DOK6: variants seen among roughly 807,000 people sequenced by gnomAD.
DOK6 encodes the protein docking protein 6.
DOK6 carries 22 observed loss-of-function variants against 44.0 expected under a neutral mutation model. The ratio of observed to expected loss-of-function variants is 0.50; its 90% CI spans 0.36 to 0.71. The LOEUF (loss-of-function observed/expected upper bound fraction) is 0.71. Ranked by LOEUF, DOK6 falls within the 30% of genes least tolerant of loss-of-function variation. The probability of loss-of-function intolerance (pLI) is 0.00; values close to 1 mark genes in which losing one functional copy is unlikely to be tolerated. For missense variants in DOK6, 340 were observed against 416.4 expected, an observed-to-expected ratio of 0.82 and a Z score of 1.60; for synonymous variants, 166 against 145.5, an observed-to-expected ratio of 1.14 and a Z score of -1.01.
intron 2 of DOK6, among the ~76,000 whole-genome samples, chr18:69,596,581 A>G (rs1395224977): frequency 2.1e-5 from 3 of 141,676 alleles, no homozygotes; most frequent in Non-Finnish European, 4.6e-5. Flanking sequence ...TGGAAAGTAT[A>G]TTCAAAGTGC....
At chr18:69,612,823 T>C (rs1401403030) in intron 3 of DOK6, among the ~76,000 whole-genome samples, 1 of 152,220 alleles carries the variant, frequency 6.6e-6, no homozygotes, top group African/African-American at 2.4e-5. Flanking sequence ...TTGTTTTATC[T>C]TAATGATATA....
chr18:69,422,794 C>T (rs1170828888), intron 1 of DOK6, among the ~76,000 whole-genome samples: 1 of 152,126 alleles, frequency 6.6e-6, no homozygotes, highest in East Asian at 1.9e-4. Flanking sequence ...ATAATTATTC[C>T]TCTTAAAATT....
chr18:69,719,439 TATCTGTTGGAGCA>T (rs1986956952), intron 5 of DOK6, among the ~76,000 whole-genome samples: 1 of 152,208 alleles, frequency 6.6e-6, no homozygotes, highest in Admixed American at 6.5e-5. Context: ...ATAGTGATAT[TATCTGTTGGAGCA>T]ACTGGGGAAG....
rs1315168821 is a variant in DOK6 at position 69,459,184 on chromosome 18, ATT to A, written c.66+57877_66+57878del. On this transcript the variant is annotated intron_variant, in intron 1 of 7. Transcript: ENST00000382713. ...GAGGTGAGAAATCTCAAAAAAAAAT[ATT>A]TTGTGTGTGTGTGTGTGTGTGTGTG... is the stretch of plus-strand genomic sequence containing the variant. Among the ~76,000 whole-genome samples the A allele has an allele frequency of 2.3e-3, 139 of 59,514 alleles. 1 individual carries two copies. The highest frequency in any genetic ancestry group is 0.021 in the Middle Eastern group (3 of 142). The allele number at this position is 59,514 out of a possible 152,430, so 39.0% of individuals were successfully genotyped here.
intron 5 of DOK6, among the ~76,000 whole-genome samples, chr18:69,705,564 G>T (rs919260480): frequency 6.6e-6 from 1 of 152,120 alleles, no homozygotes; most frequent in Non-Finnish European, 1.5e-5. Context: ...CCCTTGAGCT[G>T]CTTTTTACCT....
intron 3 of DOK6, among the ~76,000 whole-genome samples, chr18:69,600,675 A>C (rs1318146968): frequency 6.6e-6 from 1 of 151,324 alleles, no homozygotes; most frequent in African/African-American, 2.4e-5. Flanking sequence ...ACTAGTATTT[A>C]AAAAAAAACT....
At chr18:69,790,565 A>C (rs1980564474) in intron 7 of DOK6, among the ~76,000 whole-genome samples, 1 of 152,182 alleles carries the variant, frequency 6.6e-6, no homozygotes. Flanking sequence ...GGACAATATT[A>C]AGATCTTGGT....
chr18:69,412,969 T>C lies in DOK6; in HGVS notation c.66+11659T>C, dbSNP rs944990322. Among the ~76,000 whole-genome samples, 16 of 152,116 alleles carry C rather than the reference T, an allele frequency of 1.1e-4. 1 individual carries two copies. The highest frequency in any genetic ancestry group is 3.9e-4 in the African/African-American group (16 of 41,444). On this transcript the variant is annotated intron_variant, in intron 1 of 7. Coordinates refer to ENST00000382713, the MANE Select transcript of DOK6 (RefSeq NM_152721.6). ...AGACTAGTCATTTCTACTGGATCAA[T>C]GTAATGACACAGAAGTAGAAACAAT...
At chr18:69,535,367 T>G (rs1046457972) in intron 1 of DOK6, among the ~76,000 whole-genome samples, 1 of 152,100 alleles carries the variant, frequency 6.6e-6, no homozygotes, top group African/African-American at 2.4e-5. Context: ...AATTGCTTTC[T>G]GCATATTCAT....
At chr18:69,648,064 C>T (rs1271600366) in intron 3 of DOK6, among the ~76,000 whole-genome samples, 1 of 152,138 alleles carries the variant, frequency 6.6e-6, no homozygotes, top group African/African-American at 2.4e-5. Flanking sequence ...ATCATGAAGC[C>T]TGGCACATCC....
At chr18:69,781,223 A>G (rs1980256367) in intron 7 of DOK6, 1 of 152,148 alleles carries the variant, frequency 6.6e-6, no homozygotes, top group Admixed American at 6.5e-5. Flanking sequence ...TGCTATAAAA[A>G]TAAGAAGGTT....
chr18:69,823,289 T>C (rs1284724091), intron 7 of DOK6, among the ~76,000 whole-genome samples: 1 of 152,170 alleles, frequency 6.6e-6, no homozygotes, highest in East Asian at 1.9e-4. Flanking sequence ...AATAGAGGTA[T>C]GCAGAGGATG....
chr18:69,418,071 A>T (rs982075410), intron 1 of DOK6, among the ~76,000 whole-genome samples: 1 of 151,988 alleles, frequency 6.6e-6, no homozygotes, highest in African/African-American at 2.4e-5. Flanking sequence ...ATGTGATCCC[A>T]TTTGCCCATT....
chr18:69,580,879 G>A lies in DOK6; in HGVS notation c.174+16285G>A, dbSNP rs543893165. Among the ~76,000 whole-genome samples the A allele has an allele frequency of 7.9e-5, 12 of 151,532 alleles. 1 individual carries two copies. The highest frequency in any genetic ancestry group is 2.2e-4 in the African/African-American group (9 of 41,356). On this transcript the variant is annotated intron_variant, in intron 2 of 7. Transcript: ENST00000382713. The stretch of plus-strand genomic sequence containing the variant: ...TCTAATAACCACAATTCTACTCTTC[G>A]TTATGAGCTCAACTTTTTAGTTTCT...
At chr18:69,774,133 G>GAGATATATATATATAT (rs1555670147) in intron 7 of DOK6, among the ~76,000 whole-genome samples, 5 of 66,866 alleles carry the variant, frequency 7.5e-5, no homozygotes, top group South Asian at 7.1e-4. Context: ...ATATATATGA[G>GAGATATATATATATAT]ATATATATAT....
chr18:69,699,936 G>C (rs1321838314), intron 5 of DOK6, among the ~76,000 whole-genome samples: 1 of 152,048 alleles, frequency 6.6e-6, no homozygotes, highest in African/African-American at 2.4e-5. Flanking sequence ...GGCTAAGGAG[G>C]CCTCACAGTC....
intron 4 of DOK6, 59 bp from the exon 5 acceptor site, chr18:69,698,345 G>A (rs1986434171): frequency 1.4e-6 from 2 of 1,452,482 alleles, no homozygotes; most frequent in Non-Finnish European, 1.9e-6. Flanking sequence ...AATATCGTAT[G>A]GCCATAGACA....
Position 69,401,240 on chromosome 18 carries a change from T to C in DOK6, c.-5T>C. 6.4e-7 allele frequency: 1 copy of C among 1,564,380 alleles called. No individual in the cohort carries two copies. Among genetic ancestry groups the C allele is most frequent in the South Asian group, 1.2e-5 (1 of 85,886 alleles). ...GCGGGGCGCAGGAGCCCGATCGCGCTGGCCATGGCCTCCAACTTTAACGAC... is the reference window on the plus strand; with the variant it reads ...GCGGGGCGCAGGAGCCCGATCGCGCCGGCCATGGCCTCCAACTTTAACGAC... On this transcript the variant is annotated 5_prime_UTR_variant, in exon 1 of 8. Transcript: ENST00000382713.
chr18:69,746,691 G>T (rs543911052), intron 6 of DOK6, among the ~76,000 whole-genome samples: 1 of 152,066 alleles, frequency 6.6e-6, no homozygotes, highest in Non-Finnish European at 1.5e-5. Flanking sequence ...TGTCATTCTG[G>T]TACAGACCTA....
Sources: allele counts gnomAD v4.1 joint callset (sites outside exome capture counted in the v4.1 genomes callset), GRCh38; gene constraint gnomAD v4.1.1; transcripts MANE v1.5; gene names NCBI Gene and HGNC (gene_info 2026-07-23, HGNC 2026-07-21).